The following RNF130 variants were observed in gnomAD, a reference collection of about 807,000 sequenced individuals.
The protein encoded by RNF130 is E3 ubiquitin-protein ligase RNF130.
In RNF130, 21 loss-of-function variants were observed where a neutral mutation model predicts 44.6. The observed-to-expected ratio is 0.47, with a 90% CI of 0.33 to 0.68. The LOEUF is 0.68. RNF130 is among the 30% of genes least tolerant of loss of function. RNF130 has a pLI of 0.02. For synonymous variants in RNF130, 214 were observed against 210.4 expected (o/e 1.02, Z -0.15); for missense variants, 479 against 560.6 (o/e 0.85, Z 1.47).
At chr5:180,037,741 A>C (rs969057198) in intron 2 of RNF130, among the ~76,000 whole-genome samples, 1 of 152,246 alleles carries the variant, frequency 6.6e-6, no homozygotes, top group Non-Finnish European at 1.5e-5. Context: ...CGCAGTGTGC[A>C]GATTCTTTTA....
intron 2 of RNF130, among the ~76,000 whole-genome samples, chr5:180,016,110 G>A (rs993194600): frequency 6.6e-6 from 1 of 151,372 alleles, no homozygotes; most frequent in African/African-American, 2.4e-5. Flanking sequence ...CGACCCTGCC[G>A]ATCGGGCAGG....
chr5:180,001,731 A>G (rs1763348691), intron 3 of RNF130, among the ~76,000 whole-genome samples: 1 of 152,180 alleles, frequency 6.6e-6, no homozygotes, highest in Non-Finnish European at 1.5e-5. Context: ...GACAGCAAGT[A>G]TCCTAGCTTA....
intron 1 of RNF130, among the ~76,000 whole-genome samples, chr5:180,065,590 C>A (rs1765085052): frequency 1.3e-5 from 2 of 152,048 alleles, no homozygotes; most frequent in South Asian, 4.1e-4. Flanking sequence ...GAAACCCCGT[C>A]TCTACTAAAA....
At chr5:179,940,142 G>C (rs1761951591) in intron 7 of RNF130, 1 of 154,836 alleles carries the variant, frequency 6.5e-6, no homozygotes, top group Admixed American at 6.5e-5. Flanking sequence ...AGTGACCGCT[G>C]TGCTTAACAG....
chr5:179,977,708 T>C lies in RNF130; in HGVS notation c.848+495A>G, dbSNP rs978947372. 3.3e-5 allele frequency among the ~76,000 whole-genome samples: 5 copies of C among 151,958 alleles called. No homozygotes were observed. The highest frequency in any genetic ancestry group is 1.2e-4 in the African/African-American group (5 of 41,450). ...CTCTACTAAAAATACAAAAATTATC[T>C]GGGCATGGTGGTGGGTACCTGTAGT... On this transcript the variant is annotated intron_variant, in intron 5 of 8. Transcript: ENST00000521389. The surrounding 1 kb of genome is among the most constrained non-coding windows in gnomAD (Gnocchi z 4.1).
At chr5:180,050,063 T>A (rs1001604755) in intron 1 of RNF130, among the ~76,000 whole-genome samples, 1 of 152,232 alleles carries the variant, frequency 6.6e-6, no homozygotes, top group Non-Finnish European at 1.5e-5. Flanking sequence ...AAATGTATTC[T>A]CCCACAGTTC....
At chr5:179,994,327 A>G (rs553893187) in intron 3 of RNF130, among the ~76,000 whole-genome samples, 188 of 152,184 alleles carry the variant, frequency 1.2e-3, no homozygotes, top group African/African-American at 4.3e-3. Flanking sequence ...CACAATATTG[A>G]TTCTTCCTAT....
intron 3 of RNF130, among the ~76,000 whole-genome samples, chr5:180,001,852 T>A (rs1763351661): frequency 6.6e-6 from 1 of 152,148 alleles, no homozygotes; most frequent in African/African-American, 2.4e-5. Flanking sequence ...TGAAGACTAG[T>A]ACAGGTTCAA....
intron 7 of RNF130, among the ~76,000 whole-genome samples, chr5:179,922,883 G>A (rs535871317): frequency 1.6e-5 from 2 of 128,048 alleles, no homozygotes; most frequent in African/African-American, 2.9e-5. Context: ...GCAGTGAGCC[G>A]AGACTACACT....
chr5:180,002,374 G>A (rs1763363673), intron 3 of RNF130, among the ~76,000 whole-genome samples: 1 of 152,214 alleles, frequency 6.6e-6, no homozygotes, highest in East Asian at 1.9e-4. Flanking sequence ...TGCTGGGGTG[G>A]TTTGGTGGCA....
intron 3 of RNF130, among the ~76,000 whole-genome samples, chr5:180,005,433 A>AAC (rs1561689053): frequency 2.0e-5 from 3 of 151,820 alleles, no homozygotes; most frequent in Non-Finnish European, 4.4e-5. Context: ...TGTCTCAGAA[A>AAC]AACAACAACA....
At chr5:180,048,001 C>CT (rs67545539) in intron 1 of RNF130, among the ~76,000 whole-genome samples, 110,089 of 146,928 alleles carry the variant, frequency 0.75, 41,389 homozygotes, top group South Asian at 0.91. Context: ...CAACAGCACA[C>CT]TTTTTTTTTT....
chr5:179,970,631 A>T (rs1762560682), intron 5 of RNF130, 125 bp from the exon 6 acceptor site: 1 of 695,866 alleles, frequency 1.4e-6, no homozygotes, highest in African/African-American at 1.8e-5. Flanking sequence ...TTTAAGCCCC[A>T]AGAGACAAAT....
chr5:180,041,614 G>C (rs1348133576), intron 1 of RNF130, among the ~76,000 whole-genome samples: 1 of 152,166 alleles, frequency 6.6e-6, no homozygotes, highest in African/African-American at 2.4e-5. Context: ...GCCCAGAAGG[G>C]GAGAGAAGTC....
At chr5:180,004,119 G>C (rs1275757853) in intron 3 of RNF130, among the ~76,000 whole-genome samples, 1 of 152,142 alleles carries the variant, frequency 6.6e-6, no homozygotes, top group Non-Finnish European at 1.5e-5. Context: ...TGAATTAAGG[G>C]GAGGAACGAT....
In RNF130 at chr5:180,071,729, G is replaced by C. The variant is rs987787427; in HGVS notation, c.-27C>G. ...GTCCCTCCGGCAGCCGCCGCTGCTC[G>C]CGGACCGGGCTCCGGGGCCGGCGCC... On this transcript the variant is annotated 5_prime_UTR_variant, in exon 1 of 9. Transcript: ENST00000521389. 4.4e-5 allele frequency: 53 copies of C among 1,216,050 alleles called. No homozygotes were observed. Among genetic ancestry groups the C allele is most frequent in the South Asian group, 3.5e-5 (1 of 28,286 alleles). 75.3% of individuals were successfully genotyped at this position (1,216,050 alleles called of 1,614,324 possible).
downstream of RNF130, chr5:179,955,062 A>C (rs928829725): frequency 6.6e-6 from 1 of 152,248 alleles, no homozygotes; most frequent in Non-Finnish European, 1.5e-5. Flanking sequence ...TTTGACACTC[A>C]TTCCTTCATT....
chr5:179,983,289 T>C (rs2113721588), intron 3 of RNF130, among the ~76,000 whole-genome samples: 1 of 152,188 alleles, frequency 6.6e-6, no homozygotes, highest in South Asian at 2.1e-4. Context: ...ACTTTGTATT[T>C]AGGGTTCTGA....
intron 3 of RNF130, among the ~76,000 whole-genome samples, chr5:180,005,212 A>G (rs897219164): frequency 4.6e-5 from 7 of 152,044 alleles, no homozygotes; most frequent in African/African-American, 9.7e-5. Flanking sequence ...TGGATCACCT[A>G]TGGTCAGGAG....
Sources: gnomAD v4.1 joint callset for allele counts (sites outside exome capture counted in the v4.1 genomes callset) on GRCh38, gnomAD v4.1.1 for gene constraint, Gnocchi (gnomAD v3.1) non-coding constraint, MANE v1.5 for transcripts, NCBI Gene and HGNC (gene_info 2026-07-23, HGNC 2026-07-21) for gene names.